The following ANGPT4 variants were observed in gnomAD, a reference collection of about 807,000 sequenced individuals.
The protein encoded by ANGPT4 is angiopoietin 4.
In ANGPT4, 50 loss-of-function variants were observed where a neutral mutation model predicts 53.0. The observed-to-expected ratio is 0.94, with a 90% CI of 0.75 to 1.20. The LOEUF (loss-of-function observed/expected upper bound fraction) is 1.20, where lower values mean the gene tolerates loss of function less well. Ranked by LOEUF, ANGPT4 falls within the 50% of genes most tolerant of loss-of-function variation. ANGPT4 has a pLI of 0.00. For synonymous variants in ANGPT4, 251 were observed against 259.7 expected (o/e 0.97, Z 0.32); for missense variants, 648 against 637.1 (o/e 1.02, Z -0.18).
intron 1 of ANGPT4, among the ~76,000 whole-genome samples, chr20:906,878 C>G (rs742921): frequency 0.46 from 69,307 of 152,168 alleles, 18,658 homozygotes; most frequent in African/African-American, 0.75. Flanking sequence ...GGTAGAGAGA[C>G]TTGGGGACCA....
intron 7 of ANGPT4, 60 bp from the exon 8 acceptor site, chr20:874,474 C>T (rs1981083044): frequency 6.3e-6 from 10 of 1,594,324 alleles, no homozygotes; most frequent in South Asian, 5.6e-5. Context: ...GGGGCTGTGT[C>T]GAGCAAGAAC....
chr20:888,489 GCCCTGCC>G lies in ANGPT4; in HGVS notation c.466-57_466-51del, dbSNP rs769263429. On this transcript the variant is annotated intron_variant, in intron 2 of 8. Coordinates refer to ENST00000381922, the MANE Select transcript of ANGPT4 (RefSeq NM_015985.4). ...AGGGGGCTGCGTAAGCGCTACAGGA[GCCCTGCC>G]CAACCACCCACCTGCCCACAGGCCC... 15 of 1,567,672 alleles carry G rather than the reference GCCCTGCC, an allele frequency of 9.6e-6. 1 individual carries two copies. The East Asian group carries it at 3.5e-4, about 36-fold the overall frequency.
intron 1 of ANGPT4, among the ~76,000 whole-genome samples, chr20:904,916 C>T (rs2122855549): frequency 6.6e-6 from 1 of 152,332 alleles, no homozygotes; most frequent in African/African-American, 2.4e-5. Flanking sequence ...GTGATTTTGA[C>T]TATCGTTAAC....
chr20:876,020 C>T (rs1486311163), intron 7 of ANGPT4, among the ~76,000 whole-genome samples: 1 of 151,650 alleles, frequency 6.6e-6, no homozygotes, highest in Non-Finnish European at 1.5e-5. Flanking sequence ...ATTCCAGCTA[C>T]TTGGGAGGCT....
chr20:889,373 G>A (rs569872815), intron 2 of ANGPT4, among the ~76,000 whole-genome samples: 26 of 152,286 alleles, frequency 1.7e-4, no homozygotes, highest in South Asian at 8.3e-4. Context: ...TGGTATAGCC[G>A]CCTGCATACC....
At chr20:882,704 T>G (rs1981456736) in intron 4 of ANGPT4, among the ~76,000 whole-genome samples, 1 of 152,176 alleles carries the variant, frequency 6.6e-6, no homozygotes, top group Admixed American at 6.5e-5. Flanking sequence ...CCTCACCCAG[T>G]AAGGCAAGGA....
At chr20:909,978 C>G (rs750251174) in intron 1 of ANGPT4, among the ~76,000 whole-genome samples, 6 of 152,216 alleles carry the variant, frequency 3.9e-5, no homozygotes, top group Non-Finnish European at 8.8e-5. Flanking sequence ...GAAGAAAAAT[C>G]TAGTAGCTAT....
chr20:911,847 A>G lies in ANGPT4; in HGVS notation c.309+4059T>C, dbSNP rs1352882326. On this transcript the variant is annotated intron_variant, in intron 1 of 8. Transcript: ENST00000381922. This position sits in a 1 kb window ranked among gnomAD's most constrained non-coding sequence, Gnocchi z 4.9. ...GAGACAGAGAGAGGGAGAGAGGGAC[A>G]GAGAGAGGGAGAGAGAGACAGAGAG... Among the ~76,000 whole-genome samples, 2 of 74,122 alleles carry G rather than the reference A, an allele frequency of 2.7e-5. No individual in the cohort carries two copies. The highest frequency in any genetic ancestry group is 7.2e-5 in the Non-Finnish European group (2 of 27,788). 48.6% of individuals were successfully genotyped at this position (74,122 alleles called of 152,430 possible).
At chr20:895,224 C>G (rs140043199) in intron 1 of ANGPT4, among the ~76,000 whole-genome samples, 1 of 152,254 alleles carries the variant, frequency 6.6e-6, no homozygotes, top group Non-Finnish European at 1.5e-5. Context: ...TGCCGTGCAC[C>G]GACTCCAGGA....
chr20:894,841 C>T (rs1981982796), intron 1 of ANGPT4, among the ~76,000 whole-genome samples: 2 of 152,182 alleles, frequency 1.3e-5, no homozygotes, highest in Non-Finnish European at 2.9e-5. Flanking sequence ...CTGAGGGCTG[C>T]AGAGCTGAGC....
At chr20:901,326 T>G (rs1232721250) in intron 1 of ANGPT4, among the ~76,000 whole-genome samples, 1 of 152,236 alleles carries the variant, frequency 6.6e-6, no homozygotes, top group Non-Finnish European at 1.5e-5. Context: ...CTGCCTTAAC[T>G]GATGACATTA....
chr20:872,005 T>C lies in ANGPT4; in HGVS notation c.*955A>G, dbSNP rs1980961710. 1 of 152,152 alleles carries C rather than the reference T, an allele frequency of 6.6e-6. No homozygotes were observed. Among genetic ancestry groups the C allele is most frequent in the Non-Finnish European group, 1.5e-5 (1 of 68,028 alleles). The allele number at this position is 152,152 out of a possible 1,614,324, so 9.4% of individuals were successfully genotyped here. On this transcript the variant is annotated 3_prime_UTR_variant, in exon 9 of 9. Transcript: ENST00000381922. The stretch of plus-strand genomic sequence containing the variant: ...CCTTATGCCAGGGGAGCACTAGCTT[T>C]GTCCAAGAGCATCTACAGTCCTGTG...
At chr20:906,222 G>C (rs1982474863) in intron 1 of ANGPT4, among the ~76,000 whole-genome samples, 1 of 152,194 alleles carries the variant, frequency 6.6e-6, no homozygotes, top group South Asian at 2.1e-4. Flanking sequence ...TTTAGAGGAA[G>C]TAGGCCACTA....
chr20:886,112 A>C (rs1981610634), intron 3 of ANGPT4, among the ~76,000 whole-genome samples: 1 of 151,734 alleles, frequency 6.6e-6, no homozygotes, highest in South Asian at 2.1e-4. Flanking sequence ...TATAATAATC[A>C]AGAGACATTT....
At chr20:888,185 C>T (rs1037466508) in intron 3 of ANGPT4, 133 bp downstream of exon 3, 8 of 1,263,900 alleles carry the variant, frequency 6.3e-6, no homozygotes, top group Non-Finnish European at 8.5e-6. Flanking sequence ...CTATCCCAGA[C>T]ACCAGCCCAC....
At chr20:879,882 C>T (rs1347419311) in intron 5 of ANGPT4, 34 bp from the exon 6 acceptor site, 2 of 1,571,422 alleles carry the variant, frequency 1.3e-6, no homozygotes, top group East Asian at 2.3e-5. Flanking sequence ...GCTGGGAGCC[C>T]TTGGAGGTAG....
intron 1 of ANGPT4, among the ~76,000 whole-genome samples, chr20:896,262 G>A (rs137995393): frequency 0.027 from 4,120 of 152,282 alleles, 76 homozygotes; most frequent in Middle Eastern, 0.082. Flanking sequence ...AATTCGTAAA[G>A]TTTCTGATTC....
chr20:900,411 C>T (rs990959976), intron 1 of ANGPT4, among the ~76,000 whole-genome samples: 1 of 152,150 alleles, frequency 6.6e-6, no homozygotes, highest in Non-Finnish European at 1.5e-5. Context: ...CTTTAGTACT[C>T]CTTCTCATCT....
chr20:876,795 C>G (rs1010152772), intron 7 of ANGPT4, among the ~76,000 whole-genome samples: 1 of 151,890 alleles, frequency 6.6e-6, no homozygotes, highest in Non-Finnish European at 1.5e-5. Context: ...ATTTTTCATT[C>G]AGCTCTGGAC....
Sources: allele counts gnomAD v4.1 joint callset (sites outside exome capture counted in the v4.1 genomes callset), GRCh38; gene constraint gnomAD v4.1.1; non-coding constraint Gnocchi (gnomAD v3.1); transcripts MANE v1.5; gene names NCBI Gene and HGNC (gene_info 2026-07-23, HGNC 2026-07-21).